MAST3: variants seen among roughly 807,000 people sequenced by gnomAD.
MAST3 encodes microtubule associated serine/threonine kinase 3.
Under a neutral mutation model 127.0 loss-of-function variants are expected in MAST3, and 43 were observed. That is an observed-to-expected ratio of 0.34 (90% CI 0.27 to 0.44). The LOEUF is 0.44. Ranked by LOEUF, MAST3 falls within the 20% of genes least tolerant of loss-of-function variation. The pLI is 1.00. For missense variants in MAST3, 1,390 were observed against 1,919.1 expected (o/e 0.72, Z 5.15); for synonymous variants, 785 against 809.2 (o/e 0.97, Z 0.51).
Position 18,123,611 on chromosome 19 carries a change from G to T in MAST3, c.589G>T (p.Glu197Ter). ...CCGTGCAACGGGGACCTTCGACAAT[G>T]AGATTGTCATGATGAATCACGTGTA... ...PGRATGTFDN[E>*]IVMMNHVYRE... Residue 197 changes from glutamate (E) to a stop codon, truncating the protein, a stop_gained, in exon 8 of 28, where the codon GAG becomes TAG. Coordinates refer to ENST00000687212, the MANE Select transcript of MAST3 (RefSeq NM_001393504.1). LOFTEE classifies it high-confidence loss of function. The T allele has an allele frequency of 1.9e-6, 3 of 1,595,192 alleles. No homozygotes were observed. Among genetic ancestry groups the T allele is most frequent in the Non-Finnish European group, 2.6e-6 (3 of 1,171,172 alleles).
chr19:18,147,745 G>T, intron 27 of MAST3, 121 bp downstream of exon 27: 1 of 745,150 alleles, frequency 1.3e-6, no homozygotes, highest in Non-Finnish European at 2.1e-6. Flanking sequence ...AGATGACCGG[G>T]ATCCTGGTGT....
At chr19:18,104,179 C>CAAAAAAAAAAAAAAAA (rs56347763) in intron 1 of MAST3, among the ~76,000 whole-genome samples, 4 of 43,484 alleles carry the variant, frequency 9.2e-5, no homozygotes, top group African/African-American at 4.5e-4. Context: ...GACGCTGTCT[C>CAAAAAAAAAAAAAAAA]AAAAAAAAAA....
intron 13 of MAST3, chr19:18,129,184 G>GC (rs1287722488): frequency 3.6e-6 from 2 of 553,868 alleles, no homozygotes; most frequent in Non-Finnish European, 3.2e-6. Context: ...CAGGTGTAGG[G>GC]CGTTCTAGGG....
chr19:18,149,006 T>C lies in MAST3; in HGVS notation c.3509-185T>C, dbSNP rs1046530150. 5.3e-5 allele frequency among the ~76,000 whole-genome samples: 8 copies of C among 151,896 alleles called. No homozygotes were observed. Among genetic ancestry groups the C allele is most frequent in the African/African-American group, 1.2e-4 (5 of 41,324 alleles). ...TCAGCCCAGGAGGTTGAGGCTATGA[T>C]TGAGCCAGTGCACTACAGTCTGGGC... On this transcript the variant is annotated intron_variant, in intron 27 of 27. Coordinates refer to ENST00000687212, the MANE Select transcript of MAST3 (RefSeq NM_001393504.1). The surrounding 1 kb of genome is among the most constrained non-coding windows in gnomAD (Gnocchi z 5.9).
At chr19:18,109,509 C>T (rs926349912) in intron 2 of MAST3, among the ~76,000 whole-genome samples, 1 of 152,156 alleles carries the variant, frequency 6.6e-6, no homozygotes, top group African/African-American at 2.4e-5. Context: ...ATGTCCACTC[C>T]CTGCCACCTT....
At chr19:18,099,430 A>G (rs1473741812) in intron 1 of MAST3, among the ~76,000 whole-genome samples, 1 of 151,704 alleles carries the variant, frequency 6.6e-6, no homozygotes, top group Non-Finnish European at 1.5e-5. Flanking sequence ...GCAGCCTCTT[A>G]AAATAGAGAA....
Position 18,101,316 on chromosome 19 carries a change from A to G in MAST3, c.39+3485A>G, listed in dbSNP as rs192861212. 3.3e-5 allele frequency among the ~76,000 whole-genome samples: 5 copies of G among 150,290 alleles called. No individual in the cohort carries two copies. The East Asian group carries it at 9.8e-4, about 30-fold the overall frequency. ...CCCTCCAAGGTGATCCTGCTTTCTC[A>G]TGGACAGCTTCCACTTATTTTCCTC... On this transcript the variant is annotated intron_variant, in intron 1 of 27. Coordinates refer to ENST00000687212, the MANE Select transcript of MAST3 (RefSeq NM_001393504.1).
intron 3 of MAST3, among the ~76,000 whole-genome samples, chr19:18,113,400 C>G (rs568157528): frequency 6.6e-6 from 1 of 152,078 alleles, no homozygotes; most frequent in Admixed American, 6.6e-5. Context: ...TCTCCTGCCT[C>G]AGCCTCCTGA....
At chr19:18,128,291 G>T in intron 11 of MAST3, 109 bp from the exon 12 acceptor site, 2 of 783,796 alleles carry the variant, frequency 2.6e-6, no homozygotes, top group Non-Finnish European at 4.1e-6. Context: ...GTCAGGGGAG[G>T]CACTGCATCC....
intron 1 of MAST3, among the ~76,000 whole-genome samples, chr19:18,098,106 G>C (rs910972461): frequency 1.3e-5 from 2 of 152,168 alleles, no homozygotes; most frequent in African/African-American, 4.8e-5. Context: ...CTCCCCACCA[G>C]CTGTTCTAAT....
chr19:18,122,479 G>A (rs1048133812), intron 5 of MAST3, among the ~76,000 whole-genome samples, 194 bp from the exon 6 acceptor site: 8 of 150,930 alleles, frequency 5.3e-5, no homozygotes, highest in Non-Finnish European at 1.0e-4. Context: ...CTCACGGGGG[G>A]GCTTCCTGGA....
chr19:18,118,436 C>T (rs1171007071), intron 3 of MAST3, among the ~76,000 whole-genome samples: 1 of 152,186 alleles, frequency 6.6e-6, no homozygotes, highest in Non-Finnish European at 1.5e-5. Flanking sequence ...TCCTTTCGCC[C>T]CTCGTTCCCT....
At chr19:18,147,334 C>A in intron 26 of MAST3, 109 bp from the exon 27 acceptor site, 1 of 999,728 alleles carries the variant, frequency 1.0e-6, no homozygotes, top group Non-Finnish European at 1.5e-6. Flanking sequence ...AACTCCTGAC[C>A]TTAAATGATC....
Position 18,145,281 on chromosome 19 carries a change from C to T in MAST3, c.3039+52C>T, listed in dbSNP as rs200909922. On this transcript the variant is annotated intron_variant, in intron 24 of 27. Coordinates refer to ENST00000687212, the MANE Select transcript of MAST3 (RefSeq NM_001393504.1). The surrounding 1 kb of genome is among the most constrained non-coding windows in gnomAD (Gnocchi z 5.9). ...ACCCGGGTTCTAGTTTGACTCTGCC[C>T]GGTCATGTCCCTTCTCAGAGCTGCA... is the stretch of plus-strand genomic sequence containing the variant. 59 of 1,539,282 alleles carry T rather than the reference C, an allele frequency of 3.8e-5. No homozygotes were observed. The highest frequency in any genetic ancestry group is 4.6e-5 in the Non-Finnish European group (51 of 1,114,472).
intron 11 of MAST3, among the ~76,000 whole-genome samples, 158 bp downstream of exon 11, chr19:18,124,932 C>A (rs2040414461): frequency 1.9e-4 from 3 of 15,944 alleles, no homozygotes; most frequent in African/African-American, 1.2e-3. Flanking sequence ...ATGGTGGAAA[C>A]CCCCCCCCTA....
At chr19:18,101,800 G>A (rs923837489) in intron 1 of MAST3, among the ~76,000 whole-genome samples, 1 of 149,828 alleles carries the variant, frequency 6.7e-6, no homozygotes, top group Non-Finnish European at 1.5e-5. Flanking sequence ...ACAGGCGAGC[G>A]CCACCACACC....
chr19:18,128,802 G>T (rs191162872), intron 12 of MAST3, 64 bp from the exon 13 acceptor site: 2 of 1,338,254 alleles, frequency 1.5e-6, no homozygotes, highest in African/African-American at 1.4e-5. Context: ...TTTGGGCTTG[G>T]GGGCAGGAGA....
intron 11 of MAST3, 123 bp from the exon 12 acceptor site, chr19:18,128,277 G>C (rs2040879270): frequency 1.5e-6 from 1 of 679,484 alleles, no homozygotes; most frequent in Non-Finnish European, 2.5e-6. Flanking sequence ...TGTCATGAGA[G>C]CTGGTCAGGG....
chr19:18,144,295 CTT>C lies in MAST3; in HGVS notation c.2585-168_2585-167del, dbSNP rs1021420555. Among the ~76,000 whole-genome samples the C allele has an allele frequency of 1.3e-5, 2 of 152,138 alleles. No homozygotes were observed. Among genetic ancestry groups the C allele is most frequent in the East Asian group, 1.9e-4 (1 of 5,190 alleles). On this transcript the variant is annotated intron_variant, in intron 22 of 27. Coordinates refer to ENST00000687212, the MANE Select transcript of MAST3 (RefSeq NM_001393504.1). The surrounding 1 kb of genome is among the most constrained non-coding windows in gnomAD (Gnocchi z 4.0). ...CTTCCTGGAGGAGGGGACTTGAAGA[CTT>C]TTGCATAGAGAATAATTTGGGAAGG...
Sources: allele counts gnomAD v4.1 joint callset (sites outside exome capture counted in the v4.1 genomes callset), GRCh38; gene constraint gnomAD v4.1.1; non-coding constraint Gnocchi (gnomAD v3.1); transcripts MANE v1.5; gene names NCBI Gene and HGNC (gene_info 2026-07-23, HGNC 2026-07-21).